PLGRKT: variants seen among roughly 807,000 people sequenced by gnomAD.
PLGRKT encodes plasminogen receptor with a C-terminal lysine.
In PLGRKT, 22 loss-of-function variants were observed where a neutral mutation model predicts 18.5. That is an observed-to-expected ratio of 1.19 (90% CI 0.85 to 1.70). The LOEUF is 1.70. Among genes scored for constraint, PLGRKT ranks in the 40% most tolerant of loss-of-function variants. The pLI, the probability that PLGRKT is intolerant of heterozygous loss-of-function variation, is 0.00. For missense variants in PLGRKT, 235 were observed against 174.4 expected (o/e 1.35, Z -1.96); for synonymous variants, 72 against 52.8 (o/e 1.36, Z -1.58).
rs1003396651 is a variant in PLGRKT, at chr9:5,429,936, G to A, written c.81+1961C>T. On this transcript the variant is annotated intron_variant, in intron 3 of 5. Coordinates refer to ENST00000223864, the MANE Select transcript of PLGRKT (RefSeq NM_018465.4). ...GGGTCAACCAGGACACAACAACTAC[G>A]AGGAGAGTAGCTCCCACCCTCTCCC... Among the ~76,000 whole-genome samples the A allele has an allele frequency of 1.1e-4, 17 of 152,254 alleles. 1 individual carries two copies. The East Asian group carries it at 2.3e-3, about 21-fold the overall frequency.
At chr9:5,415,856 G>A (rs994671124) in intron 3 of PLGRKT, among the ~76,000 whole-genome samples, 22 of 151,840 alleles carry the variant, frequency 1.4e-4, no homozygotes, top group African/African-American at 5.3e-4. Context: ...TCACAGATGG[G>A]AGGAGATTAA....
chr9:5,387,518 T>A (rs948530376), intron 3 of PLGRKT, among the ~76,000 whole-genome samples: 4 of 151,924 alleles, frequency 2.6e-5, no homozygotes, highest in Non-Finnish European at 5.9e-5. Context: ...TTCACAGATG[T>A]AATGTTGAAT....
In PLGRKT at chr9:5,418,786, G is replaced by T; in HGVS notation, c.81+13111C>A. On this transcript the variant is annotated intron_variant, in intron 3 of 5. Coordinates refer to ENST00000223864, the MANE Select transcript of PLGRKT (RefSeq NM_018465.4). The surrounding 1 kb of genome is among the most constrained non-coding windows in gnomAD (Gnocchi z 4.2). ...GGGGTCGTCGAGGAGCTGCGACACGGAGAAGTCAGGGGGCAGCTTGGTGAC... is the reference window on the plus strand; with the variant it reads ...GGGGTCGTCGAGGAGCTGCGACACGTAGAAGTCAGGGGGCAGCTTGGTGAC... 3.7e-6 allele frequency: 3 copies of T among 817,190 alleles called. No individual in the cohort carries two copies. The highest frequency in any genetic ancestry group is 2.6e-5 in the East Asian group (1 of 38,366). 50.6% of individuals were successfully genotyped at this position (817,190 alleles called of 1,614,324 possible). A position where few individuals can be genotyped will look rare whatever the true frequency, so the allele number is the denominator to read the frequency against.
chr9:5,378,235 G>T (rs1817669510), intron 3 of PLGRKT, among the ~76,000 whole-genome samples: 2 of 152,310 alleles, frequency 1.3e-5, no homozygotes, highest in East Asian at 1.9e-4. Context: ...TGGAACGGGA[G>T]ATAATAAAGG....
chr9:5,370,950 G>A (rs1817502733), intron 3 of PLGRKT, among the ~76,000 whole-genome samples: 1 of 152,006 alleles, frequency 6.6e-6, no homozygotes, highest in Admixed American at 6.5e-5. Context: ...AAGAAAAAAA[G>A]TCCCCCTTTA....
At chr9:5,431,211 T>C (rs1459970282) in intron 3 of PLGRKT, among the ~76,000 whole-genome samples, 1 of 152,158 alleles carries the variant, frequency 6.6e-6, no homozygotes, top group Admixed American at 6.5e-5. Context: ...AAATCTCTCT[T>C]ATACTGACTC....
At chr9:5,392,347 T>C (rs1817966045) in intron 3 of PLGRKT, 1 of 151,962 alleles carries the variant, frequency 6.6e-6, no homozygotes, top group South Asian at 2.1e-4. Context: ...AGGAATGTAT[T>C]CTTTATTTCT....
At chr9:5,428,204 G>A (rs1325350894) in intron 3 of PLGRKT, among the ~76,000 whole-genome samples, 2 of 152,208 alleles carry the variant, frequency 1.3e-5, no homozygotes, top group Non-Finnish European at 2.9e-5. Flanking sequence ...GAGCCCAGTG[G>A]CAGAGGTCAC....
At chr9:5,392,997 A>C (rs949943689) in intron 3 of PLGRKT, among the ~76,000 whole-genome samples, 1 of 151,468 alleles carries the variant, frequency 6.6e-6, no homozygotes, top group East Asian at 1.9e-4. Flanking sequence ...GTGTGCCACC[A>C]CACCCGGCTA....
At chr9:5,387,078 G>C (rs542330318) in intron 3 of PLGRKT, among the ~76,000 whole-genome samples, 6 of 152,028 alleles carry the variant, frequency 3.9e-5, no homozygotes, top group Admixed American at 3.3e-4. Context: ...TGGGGGATTT[G>C]CTCAAAGCAG....
Position 5,400,027 on chromosome 9 carries a change from T to A in PLGRKT, c.81+31870A>T, listed in dbSNP as rs1244877950. 1.9e-4 allele frequency among the ~76,000 whole-genome samples: 29 copies of A among 151,772 alleles called. 2 individuals are homozygous for A. Among genetic ancestry groups the A allele is most frequent in the African/African-American group, 7.0e-4 (29 of 41,146 alleles). ...TGAAATAAATAAATAAATAAAGTGT[T>A]ATTCTAATCAGCTCTTAAGGTGGTG... On this transcript the variant is annotated intron_variant, in intron 3 of 5. Transcript: ENST00000223864.
intron 3 of PLGRKT, among the ~76,000 whole-genome samples, chr9:5,406,545 G>A (rs927882854): frequency 1.7e-4 from 26 of 151,906 alleles, no homozygotes; most frequent in African/African-American, 6.3e-4. Flanking sequence ...CTTATAAGTG[G>A]GAGGTGAACA....
chr9:5,405,469 G>C (rs1332867602), intron 3 of PLGRKT, among the ~76,000 whole-genome samples: 2 of 152,056 alleles, frequency 1.3e-5, no homozygotes. Flanking sequence ...ATCTACAACT[G>C]TCTGATCTTT....
chr9:5,399,954 C>A (rs1818125495), intron 3 of PLGRKT, among the ~76,000 whole-genome samples: 2 of 151,786 alleles, frequency 1.3e-5, no homozygotes, highest in Non-Finnish European at 1.5e-5. Context: ...CGCACCACTG[C>A]ACTCCAGTCT....
At chr9:5,413,904 C>T (rs1472461690) in intron 3 of PLGRKT, among the ~76,000 whole-genome samples, 4 of 151,976 alleles carry the variant, frequency 2.6e-5, no homozygotes, top group African/African-American at 9.7e-5. Flanking sequence ...GAGTGGTTTC[C>T]AGGATATACT....
intron 3 of PLGRKT, among the ~76,000 whole-genome samples, chr9:5,403,519 C>A (rs1281293818): frequency 6.6e-6 from 1 of 152,198 alleles, no homozygotes; most frequent in Non-Finnish European, 1.5e-5. Flanking sequence ...GCCACCACGC[C>A]CAGCCATGAT....
Position 5,367,046 on chromosome 9 carries a change from C to T in PLGRKT, c.82-5158G>A, listed in dbSNP as rs1817406870. On this transcript the variant is annotated intron_variant, in intron 3 of 5. Coordinates refer to ENST00000223864, the MANE Select transcript of PLGRKT (RefSeq NM_018465.4). ...ACACACACATACACACACACACACA[C>T]ACACACACACACACACACACACCCC... 2.7e-5 allele frequency among the ~76,000 whole-genome samples: 4 copies of T among 150,866 alleles called. No individual in the cohort carries two copies. The South Asian group carries it at 8.4e-4, about 32-fold the overall frequency.
At chr9:5,374,079 G>T (rs935472066) in intron 3 of PLGRKT, among the ~76,000 whole-genome samples, 2 of 152,214 alleles carry the variant, frequency 1.3e-5, no homozygotes, top group African/African-American at 4.8e-5. Flanking sequence ...TCTTGCTGAT[G>T]ACGTCTACAT....
intron 3 of PLGRKT, among the ~76,000 whole-genome samples, chr9:5,381,497 G>T (rs1351091326): frequency 6.6e-6 from 1 of 152,224 alleles, no homozygotes. Flanking sequence ...CTGAGCTTTG[G>T]GAACCTCCAC....
Sources: gnomAD v4.1 joint callset for allele counts (sites outside exome capture counted in the v4.1 genomes callset) on GRCh38, gnomAD v4.1.1 for gene constraint, Gnocchi (gnomAD v3.1) non-coding constraint, MANE v1.5 for transcripts, NCBI Gene and HGNC (gene_info 2026-07-23, HGNC 2026-07-21) for gene names.